The following ARHGEF12 variants were observed in gnomAD, a reference collection of about 807,000 sequenced individuals.
The protein encoded by ARHGEF12 is Rho guanine nucleotide exchange factor 12, also known as KMT2A/ARHGEF12 fusion protein.
Under a neutral mutation model 211.2 loss-of-function variants are expected in ARHGEF12, and 66 were observed. The observed-to-expected ratio is 0.31, with a 90% CI of 0.26 to 0.38. The LOEUF is 0.38. ARHGEF12 is among the 10% of genes least tolerant of loss of function. The probability of loss-of-function intolerance (pLI) is 1.00; values close to 1 mark genes in which losing one functional copy is unlikely to be tolerated. For synonymous variants in ARHGEF12, 592 were observed against 638.4 expected, an observed-to-expected ratio of 0.93 and a Z score of 1.09; for missense variants, 1,429 against 1,869.5, an observed-to-expected ratio of 0.76 and a Z score of 4.34.
chr11:120,339,377 T>C (rs2135221275), intron 1 of ARHGEF12, among the ~76,000 whole-genome samples: 1 of 152,340 alleles, frequency 6.6e-6, no homozygotes, highest in African/African-American at 2.4e-5. Flanking sequence ...ATTATTTCTC[T>C]GCCAAGGTGT....
intron 4 of ARHGEF12, chr11:120,409,675 AG>A: frequency 2.3e-6 from 1 of 440,706 alleles, no homozygotes; most frequent in South Asian, 3.9e-5. Flanking sequence ...GATTAAGAGT[AG>A]GCCACATTGC....
chr11:120,339,205 G>A (rs949969193), intron 1 of ARHGEF12, among the ~76,000 whole-genome samples: 5 of 151,478 alleles, frequency 3.3e-5, no homozygotes, highest in Non-Finnish European at 5.9e-5. Flanking sequence ...GACCTGTTTC[G>A]TAGGATTTTT....
At chr11:120,388,924 G>T (rs1415743044) in intron 1 of ARHGEF12, among the ~76,000 whole-genome samples, 2 of 151,932 alleles carry the variant, frequency 1.3e-5, no homozygotes, top group African/African-American at 2.4e-5. Flanking sequence ...GTTCAATGGT[G>T]CAATCTTGGC....
At position 120,485,924 on chromosome 11, in the gene ARHGEF12, T is replaced by C; in HGVS notation, c.*847T>C. 1 of 233,600 alleles carries C rather than the reference T, an allele frequency of 4.3e-6. No individual in the cohort carries two copies. Among genetic ancestry groups the C allele is most frequent in the Non-Finnish European group, 8.5e-6 (1 of 117,952 alleles). The allele number at this position is 233,600 out of a possible 1,614,324, so 14.5% of individuals were successfully genotyped here. A position where few individuals can be genotyped will look rare whatever the true frequency, so the allele number is the denominator to read the frequency against. On this transcript the variant is annotated 3_prime_UTR_variant, in exon 41 of 41. Coordinates refer to ENST00000397843, the MANE Select transcript of ARHGEF12 (RefSeq NM_015313.3). ...TTGGGTGGGAGAGGAAAGCAAATTTTATTTTCTTGACTATAAATTTGTTAT... is the reference window on the plus strand; with the variant it reads ...TTGGGTGGGAGAGGAAAGCAAATTTCATTTTCTTGACTATAAATTTGTTAT...
At chr11:120,457,038 T>C in intron 22 of ARHGEF12, 80 bp from the exon 23 acceptor site, 1 of 1,408,614 alleles carries the variant, frequency 7.1e-7, no homozygotes. Flanking sequence ...GCTGAAGCTG[T>C]TCTGGGAACT....
At chr11:120,435,874 T>A (rs746602999) in intron 11 of ARHGEF12, among the ~76,000 whole-genome samples, 5 of 152,174 alleles carry the variant, frequency 3.3e-5, no homozygotes, top group Admixed American at 6.5e-5. Flanking sequence ...CTAGATCCAT[T>A]GTTTAATTCA....
At chr11:120,388,004 C>T (rs779040748) in intron 1 of ARHGEF12, among the ~76,000 whole-genome samples, 18 of 152,016 alleles carry the variant, frequency 1.2e-4, no homozygotes, top group African/African-American at 3.9e-4. Flanking sequence ...TGTATATACA[C>T]GATTAGGAAA....
At chr11:120,398,324 G>A (rs112604520) in intron 1 of ARHGEF12, among the ~76,000 whole-genome samples, 137 of 152,294 alleles carry the variant, frequency 9.0e-4, no homozygotes, top group African/African-American at 3.2e-3. Flanking sequence ...TAAGAGGAAT[G>A]TCAGAATTCC....
intron 28 of ARHGEF12, among the ~76,000 whole-genome samples, chr11:120,466,128 G>A (rs1026735512): frequency 1.3e-5 from 2 of 152,250 alleles, no homozygotes; most frequent in South Asian, 2.1e-4. Context: ...TTGTTGTGGT[G>A]TGTGGGTATG....
At chr11:120,361,683 G>T (rs1022736553) in intron 1 of ARHGEF12, among the ~76,000 whole-genome samples, 1 of 152,172 alleles carries the variant, frequency 6.6e-6, no homozygotes, top group Non-Finnish European at 1.5e-5. Flanking sequence ...GGTCCTTTCA[G>T]AGAGGAAAAA....
At chr11:120,354,554 T>A (rs1343999350) in intron 1 of ARHGEF12, among the ~76,000 whole-genome samples, 2 of 152,242 alleles carry the variant, frequency 1.3e-5, no homozygotes, top group Admixed American at 6.5e-5. Context: ...ACTTTTTATC[T>A]TATTAAATGG....
At chr11:120,399,347 A>T in intron 1 of ARHGEF12, among the ~76,000 whole-genome samples, 1 of 148,694 alleles carries the variant, frequency 6.7e-6, no homozygotes, top group East Asian at 2.0e-4. Flanking sequence ...AAAAAAAAAA[A>T]AAAAGAAAAG....
chr11:120,389,653 T>A (rs892922752), intron 1 of ARHGEF12, among the ~76,000 whole-genome samples: 3 of 152,240 alleles, frequency 2.0e-5, no homozygotes, highest in Admixed American at 1.3e-4. Context: ...ACAGTTAAAC[T>A]ATTTTTTACT....
At chr11:120,421,771 A>G (rs545210599) in intron 5 of ARHGEF12, 32 bp from the exon 6 acceptor site, 4 of 1,596,978 alleles carry the variant, frequency 2.5e-6, no homozygotes, top group Admixed American at 1.7e-5. Flanking sequence ...ATGCAAATGA[A>G]TCACATTTTA....
Position 120,336,877 on chromosome 11 carries a change from C to G in ARHGEF12, c.-367C>G. The stretch of plus-strand genomic sequence containing the variant: ...AGACTCCGGAGGAGGAGCCGACACC[C>G]GTCCGTGAGCTGATCCCGCCCCAGC... On this transcript the variant is annotated 5_prime_UTR_variant, in exon 1 of 41. Transcript: ENST00000397843. 1 of 391,808 alleles carries G rather than the reference C, an allele frequency of 2.6e-6. No homozygotes were observed. Among genetic ancestry groups the G allele is most frequent in the Non-Finnish European group, 4.5e-6 (1 of 221,970 alleles). The allele number at this position is 391,808 out of a possible 1,614,324, so 24.3% of individuals were successfully genotyped here. A position where few individuals can be genotyped will look rare whatever the true frequency, so the allele number is the denominator to read the frequency against.
chr11:120,451,787 G>A (rs1946222879), intron 22 of ARHGEF12, 63 bp downstream of exon 22: 1 of 1,438,284 alleles, frequency 7.0e-7, no homozygotes, highest in Non-Finnish European at 9.6e-7. Flanking sequence ...CACACTAACT[G>A]AAAAATAGAG....
At chr11:120,469,874 A>G (rs1378757510) in intron 30 of ARHGEF12, among the ~76,000 whole-genome samples, 1 of 152,158 alleles carries the variant, frequency 6.6e-6, no homozygotes, top group East Asian at 1.9e-4. Context: ...ATTAGAGAAA[A>G]TTTTCTTGAG....
chr11:120,373,452 G>T (rs1943641860), intron 1 of ARHGEF12, among the ~76,000 whole-genome samples: 2 of 152,164 alleles, frequency 1.3e-5, no homozygotes, highest in Non-Finnish European at 2.9e-5. Flanking sequence ...TGAAATGAGG[G>T]ATGTTTGTTT....
At chr11:120,345,519 C>T (rs879525411) in intron 1 of ARHGEF12, among the ~76,000 whole-genome samples, 37 of 151,968 alleles carry the variant, frequency 2.4e-4, no homozygotes, top group Admixed American at 2.1e-3. Flanking sequence ...CTGGCTAACA[C>T]GGTGAAACCC....
Sources: allele counts gnomAD v4.1 joint callset (sites outside exome capture counted in the v4.1 genomes callset), GRCh38; gene constraint gnomAD v4.1.1; transcripts MANE v1.5; gene names NCBI Gene and HGNC (gene_info 2026-07-23, HGNC 2026-07-21).